The following SRRM4 variants were observed in gnomAD, a reference collection of about 807,000 sequenced individuals.
The protein encoded by SRRM4 is serine/arginine repetitive matrix protein 4.
SRRM4 carries 33 observed loss-of-function variants against 68.9 expected under a neutral mutation model. The ratio of observed to expected loss-of-function variants is 0.48; its 90% CI spans 0.36 to 0.64. SRRM4 has a LOEUF of 0.64. SRRM4 is among the 30% of genes least tolerant of loss of function. The pLI is 0.00. For missense variants in SRRM4, 817 were observed against 827.1 expected (o/e 0.99, Z 0.15); for synonymous variants, 318 against 318.8 (o/e 1.00, Z 0.03).
rs1010734061 is a variant in SRRM4, at chr12:119,145,634, A to G, written c.1025A>G (p.Lys342Arg). Residue 342 changes from lysine (K) to arginine (R), a missense_variant, in exon 9 of 13, where the codon AAG (lysine) becomes AGG (arginine). Physicochemically the swap from Lys to Arg is conservative, Grantham distance 26. Transcript: ENST00000267260. ...NSFTTSSPQN[K>R]GAMLENLSPT... ...TTCACCACCTCCTCACCCCAGAACAAGGGGGCCATGTTGGAGAATCTCTCC... is the reference window on the plus strand; with the variant it reads ...TTCACCACCTCCTCACCCCAGAACAGGGGGGCCATGTTGGAGAATCTCTCC... 6.5e-7 allele frequency: 1 copy of G among 1,538,566 alleles called. No homozygotes were observed. Among genetic ancestry groups the G allele is most frequent in the South Asian group, 1.3e-5 (1 of 78,126 alleles).
intron 1 of SRRM4, among the ~76,000 whole-genome samples, chr12:119,015,575 A>G (rs1953475993): frequency 6.6e-6 from 1 of 151,692 alleles, no homozygotes; most frequent in African/African-American, 2.4e-5. Context: ...TTAACTTTGT[A>G]TTTTGAATTT....
Position 119,048,307 on chromosome 12 carries a change from A to G in SRRM4, c.132-53929A>G, listed in dbSNP as rs117523197. ...ATCAGGGGTGAGCCCATGAGTGCAC[A>G]TGAAGGGAAATAATTCCCAGTGGCC... On this transcript the variant is annotated intron_variant, in intron 1 of 12. Transcript: ENST00000267260. Among the ~76,000 whole-genome samples the G allele has an allele frequency of 3.0e-3, 451 of 152,328 alleles. 19 individuals carry two copies. In the East Asian group the frequency reaches 0.076, roughly 26 times the overall value.
rs112689272 is a variant in SRRM4 at position 119,019,305 on chromosome 12, A to G, written c.131+37292A>G. Reference sequence around the variant, plus strand: ...GAACAATCAAATCCTAATCAAAGACACGTCAACCATCCCCCGGGTTGAAAT... The same window carrying G: ...GAACAATCAAATCCTAATCAAAGACGCGTCAACCATCCCCCGGGTTGAAAT... On this transcript the variant is annotated intron_variant, in intron 1 of 12. Coordinates refer to ENST00000267260, the MANE Select transcript of SRRM4 (RefSeq NM_194286.4). Among the ~76,000 whole-genome samples the G allele has an allele frequency of 1.7e-3, 256 of 152,276 alleles. 3 individuals are homozygous for G. Among genetic ancestry groups the G allele is most frequent in the African/African-American group, 5.6e-3 (233 of 41,564 alleles).
In SRRM4 at chr12:119,110,843, C is replaced by G. The variant is rs150947564; in HGVS notation, c.279-3435C>G. Among the ~76,000 whole-genome samples the G allele has an allele frequency of 1.1e-4, 17 of 152,330 alleles. No individual in the cohort carries two copies. The East Asian group carries it at 3.3e-3, about 29-fold the overall frequency. On this transcript the variant is annotated intron_variant, in intron 2 of 12. Transcript: ENST00000267260. ...GCTGCACCCACTGTCCGACAAGCCC[C>G]CATGAGATGAACCCGGTACCTTAGT...
At chr12:119,031,620 A>C (rs1379549770) in intron 1 of SRRM4, among the ~76,000 whole-genome samples, 4 of 152,192 alleles carry the variant, frequency 2.6e-5, no homozygotes, top group Admixed American at 6.5e-5. Context: ...ATAGCCACAT[A>C]AGTTAGTCTT....
chr12:119,049,598 A>T (rs144146950), intron 1 of SRRM4, among the ~76,000 whole-genome samples: 1 of 152,328 alleles, frequency 6.6e-6, no homozygotes, highest in Admixed American at 6.5e-5. Flanking sequence ...GAGATAATGC[A>T]TGTGGAGCTC....
At chr12:118,988,228 G>T (rs905085857) in intron 1 of SRRM4, among the ~76,000 whole-genome samples, 1 of 152,152 alleles carries the variant, frequency 6.6e-6, no homozygotes. Flanking sequence ...AAATGGGGAT[G>T]ATTCTTCTAT....
At chr12:119,117,596 G>GCACACACACA (rs71451816) in intron 4 of SRRM4, among the ~76,000 whole-genome samples, 3,655 of 150,374 alleles carry the variant, frequency 0.024, 53 homozygotes, top group Non-Finnish European at 0.037. Context: ...TGTTCACTGT[G>GCACACACACA]CACACACACA....
At chr12:119,155,614 G>T in intron 12 of SRRM4, among the ~76,000 whole-genome samples, 1 of 152,164 alleles carries the variant, frequency 6.6e-6, no homozygotes, top group Non-Finnish European at 1.5e-5. Context: ...TGCACCTGTG[G>T]TCCCATCTAC....
chr12:119,064,595 T>C (rs1343160366), intron 1 of SRRM4, among the ~76,000 whole-genome samples: 1 of 152,200 alleles, frequency 6.6e-6, no homozygotes, highest in Admixed American at 6.5e-5. Context: ...ACCTGCTGTG[T>C]GACCTTAGGC....
chr12:119,028,557 A>G (rs539191693), intron 1 of SRRM4, among the ~76,000 whole-genome samples: 2 of 152,306 alleles, frequency 1.3e-5, no homozygotes, highest in African/African-American at 4.8e-5. Context: ...TGAGTGCATT[A>G]AGCCTCTTTC....
chr12:119,116,624 C>T (rs4766931), intron 3 of SRRM4, among the ~76,000 whole-genome samples: 4,187 of 152,134 alleles, frequency 0.028, 138 homozygotes, highest in East Asian at 0.097. Context: ...TTTTCTTTGT[C>T]TGAAAAGGGA....
intron 1 of SRRM4, among the ~76,000 whole-genome samples, chr12:119,080,834 T>G (rs1478644901): frequency 1.3e-5 from 2 of 152,204 alleles, no homozygotes; most frequent in Non-Finnish European, 2.9e-5. Flanking sequence ...TCAATCTCTC[T>G]TTTTTCAAGA....
intron 7 of SRRM4, among the ~76,000 whole-genome samples, chr12:119,129,567 A>T (rs1043086052): frequency 2.0e-5 from 3 of 152,212 alleles, no homozygotes; most frequent in Non-Finnish European, 4.4e-5. Flanking sequence ...ACAGATGGAC[A>T]CACCCAGACA....
At chr12:119,120,161 C>T (rs1343231870) in intron 4 of SRRM4, 89 bp from the exon 5 acceptor site, 1 of 862,534 alleles carries the variant, frequency 1.2e-6, no homozygotes, top group Non-Finnish European at 1.8e-6. Flanking sequence ...CCTTCTCTCC[C>T]TCTCTCCATC....
At chr12:119,072,398 G>A (rs1393263577) in intron 1 of SRRM4, among the ~76,000 whole-genome samples, 5 of 152,202 alleles carry the variant, frequency 3.3e-5, no homozygotes, top group Admixed American at 2.6e-4. Flanking sequence ...ATTTGCCCAG[G>A]CACTATTAGT....
At chr12:119,125,687 C>T (rs183317334) in intron 7 of SRRM4, among the ~76,000 whole-genome samples, 299 of 151,692 alleles carry the variant, frequency 2.0e-3, no homozygotes, top group Non-Finnish European at 3.3e-3. Flanking sequence ...TTTGGGAGGC[C>T]GAGGTGGCCA....
intron 1 of SRRM4, among the ~76,000 whole-genome samples, chr12:119,036,613 C>A (rs1354170776): frequency 6.6e-6 from 1 of 152,036 alleles, no homozygotes; most frequent in African/African-American, 2.4e-5. Flanking sequence ...TTGAGGACCA[C>A]CAGTGGAAGG....
In SRRM4 at chr12:119,145,455, C is replaced by G; in HGVS notation, c.846C>G (p.Ser282=). Residue 282 remains serine (S), a synonymous_variant, in exon 9 of 13, where the codon TCC becomes TCG. Coordinates refer to ENST00000267260, the MANE Select transcript of SRRM4 (RefSeq NM_194286.4). ...ASPLTTSRGR[S]QEYDSGNDTS... is the part of the protein sequence containing the mutation. ...CGCTCACCACCTCGCGAGGACGTTCCCAGGAGTACGACTCAGGAAATGACA... is the reference window on the plus strand; with the variant it reads ...CGCTCACCACCTCGCGAGGACGTTCGCAGGAGTACGACTCAGGAAATGACA... The G allele has an allele frequency of 6.2e-7, 1 of 1,609,266 alleles. No individual in the cohort carries two copies. The highest frequency in any genetic ancestry group is 8.5e-7 in the Non-Finnish European group (1 of 1,177,950).
Sources: gnomAD v4.1 joint callset for allele counts (sites outside exome capture counted in the v4.1 genomes callset) on GRCh38, gnomAD v4.1.1 for gene constraint, MANE v1.5 for transcripts, NCBI Gene and HGNC (gene_info 2026-07-23, HGNC 2026-07-21) for gene names.